RNF111: variants seen among roughly 807,000 people sequenced by gnomAD.
RNF111 encodes ring finger protein 111.
A neutral mutation model predicts 95.1 loss-of-function variants in RNF111; 17 were observed. The ratio of observed to expected loss-of-function variants is 0.18; its 90% CI spans 0.12 to 0.27. RNF111 has a LOEUF of 0.27. Among genes scored for constraint, RNF111 ranks in the 10% least tolerant of loss-of-function variants. RNF111 has a pLI of 1.00. For missense variants in RNF111, 1,189 were observed against 1,210.4 expected, an observed-to-expected ratio of 0.98 and a Z score of 0.26; for synonymous variants, 440 against 414.8, an observed-to-expected ratio of 1.06 and a Z score of -0.74.
At position 59,013,485 on chromosome 15, in the gene RNF111, A is replaced by G. The variant is rs547224627; in HGVS notation, c.-19-17319A>G. 5.3e-5 allele frequency among the ~76,000 whole-genome samples: 8 copies of G among 152,164 alleles called. No individual in the cohort carries two copies. The East Asian group carries it at 1.4e-3, about 26-fold the overall frequency. On this transcript the variant is annotated intron_variant, in intron 1 of 13. Coordinates refer to ENST00000348370, the MANE Select transcript of RNF111 (RefSeq NM_017610.8). ...TCTAGGTTAGTGGAATGTTTTTCTCATAGTTTGGGGTTTTGGGAAAGAATA... is the reference window on the plus strand; with the variant it reads ...TCTAGGTTAGTGGAATGTTTTTCTCGTAGTTTGGGGTTTTGGGAAAGAATA...
At chr15:59,046,782 C>T (rs1184342055) in intron 2 of RNF111, among the ~76,000 whole-genome samples, 1 of 152,156 alleles carries the variant, frequency 6.6e-6, no homozygotes, top group Non-Finnish European at 1.5e-5. Context: ...AATGAAAAGG[C>T]ATGTCACAGA....
chr15:59,091,429 A>G (rs1302856885), intron 12 of RNF111, among the ~76,000 whole-genome samples: 3 of 152,158 alleles, frequency 2.0e-5, no homozygotes, highest in Non-Finnish European at 4.4e-5. Context: ...ATATGTATAT[A>G]TATTTTTGTC....
At chr15:59,059,659 C>T (rs2042350674) in intron 5 of RNF111, among the ~76,000 whole-genome samples, 1 of 151,954 alleles carries the variant, frequency 6.6e-6, no homozygotes, top group African/African-American at 2.4e-5. Context: ...TATTCTGGAG[C>T]TTTCTTTAGT....
intron 1 of RNF111, among the ~76,000 whole-genome samples, chr15:58,992,516 A>G (rs1237951941): frequency 6.6e-6 from 1 of 152,148 alleles, no homozygotes; most frequent in Non-Finnish European, 1.5e-5. Context: ...AATTGTTCAT[A>G]TTTTAAAATA....
chr15:59,055,843 A>G lies in RNF111; in HGVS notation c.1169A>G (p.Asp390Gly). 1.9e-6 allele frequency: 3 copies of G among 1,606,152 alleles called. No homozygotes were observed. The highest frequency in any genetic ancestry group is 1.7e-6 in the Non-Finnish European group (2 of 1,175,306). Residue 390 changes from aspartate to glycine, a missense_variant and splice_region_variant, in exon 4 of 14, where the codon GAT (aspartate) becomes GGT (glycine). Physicochemically the swap from Asp to Gly is moderately conservative, Grantham distance 94. This residue lies in a region of RNF111 where 1,024 missense variants were observed against 925.9 expected (regional missense o/e 1.11). Coordinates refer to ENST00000348370, the MANE Select transcript of RNF111 (RefSeq NM_017610.8). ...GTTGTGGACCTTACCGTTGATGAAG[A>G]TGGTAAATTGAAGTAGTAACAGTAG... Reference protein sequence around the residue: ...AEVVDLTVDEDEPTVVPTTSA... With the variant: ...AEVVDLTVDEGEPTVVPTTSA...
At chr15:59,027,405 A>G (rs1231396428) in intron 1 of RNF111, among the ~76,000 whole-genome samples, 1 of 152,126 alleles carries the variant, frequency 6.6e-6, no homozygotes, top group Non-Finnish European at 1.5e-5. Context: ...ACTTTCTGGC[A>G]GGAGTTTTAT....
chr15:59,021,870 A>AT (rs1259722802), intron 1 of RNF111, among the ~76,000 whole-genome samples: 5 of 150,984 alleles, frequency 3.3e-5, no homozygotes, highest in Admixed American at 6.6e-5. Flanking sequence ...CTTCTTATAA[A>AT]TTTTTTTTTG....
intron 4 of RNF111, among the ~76,000 whole-genome samples, chr15:59,056,281 C>T (rs747641266): frequency 9.2e-5 from 14 of 152,220 alleles, no homozygotes; most frequent in Middle Eastern, 6.8e-3. Context: ...TCAATATTAT[C>T]GGTACCTTTT....
intron 2 of RNF111, among the ~76,000 whole-genome samples, chr15:59,051,818 C>T (rs1168756285): frequency 1.3e-5 from 2 of 151,262 alleles, no homozygotes; most frequent in Non-Finnish European, 2.9e-5. Context: ...AATAAATAAA[C>T]AAATGACAAA....
chr15:58,991,706 C>A (rs1315832516), intron 1 of RNF111, among the ~76,000 whole-genome samples: 1 of 152,154 alleles, frequency 6.6e-6, no homozygotes, highest in Non-Finnish European at 1.5e-5. Flanking sequence ...AGGTTTGATT[C>A]TAGAGAATCT....
intron 6 of RNF111, among the ~76,000 whole-genome samples, chr15:59,075,657 A>C (rs2043134262): frequency 6.6e-6 from 1 of 152,192 alleles, no homozygotes; most frequent in Non-Finnish European, 1.5e-5. Context: ...TATAAGACAA[A>C]AAGATTTTAA....
chr15:59,040,547 AGTT>A (rs1438031257), intron 2 of RNF111, among the ~76,000 whole-genome samples: 1 of 152,110 alleles, frequency 6.6e-6, no homozygotes, highest in Non-Finnish European at 1.5e-5. Flanking sequence ...TTTTTATGTA[AGTT>A]GTTGTTTTAT....
intron 6 of RNF111, among the ~76,000 whole-genome samples, chr15:59,074,078 G>A (rs1343860699): frequency 6.6e-6 from 1 of 152,084 alleles, no homozygotes; most frequent in Non-Finnish European, 1.5e-5. Context: ...TCTTAGTAGT[G>A]GGTCTCAACA....
Position 59,054,083 on chromosome 15 carries a change from G to A in RNF111, c.1008-1599G>A, listed in dbSNP as rs1169895650. Among the ~76,000 whole-genome samples, 34 of 151,994 alleles carry A rather than the reference G, an allele frequency of 2.2e-4. 2 individuals are homozygous for A. Among genetic ancestry groups the A allele is most frequent in the Admixed American group, 2.2e-3 (34 of 15,260 alleles). On this transcript the variant is annotated intron_variant, in intron 3 of 13. Transcript: ENST00000348370. ...TGTGAGTAGCTGGGATTACAGGCAT[G>A]AGCCACCACACCTGGCTAATTTTTT...
intron 1 of RNF111, among the ~76,000 whole-genome samples, chr15:59,000,242 C>T (rs1258236873): frequency 6.8e-6 from 1 of 146,818 alleles, no homozygotes; most frequent in Non-Finnish European, 1.5e-5. Context: ...TAGTTCACTA[C>T]ATTCTCTGCC....
intron 4 of RNF111, among the ~76,000 whole-genome samples, chr15:59,057,037 A>G (rs1315963856): frequency 6.6e-6 from 1 of 152,138 alleles, no homozygotes; most frequent in African/African-American, 2.4e-5. Flanking sequence ...TTAAAAATGA[A>G]TCTAAAACTA....
At chr15:59,094,415 A>G (rs950569392) in intron 13 of RNF111, among the ~76,000 whole-genome samples, 2 of 152,236 alleles carry the variant, frequency 1.3e-5, no homozygotes, top group African/African-American at 4.8e-5. Flanking sequence ...AAAGGGCATT[A>G]CAAATACAGT....
intron 11 of RNF111, 114 bp downstream of exon 11, chr15:59,089,873 G>A: frequency 3.1e-6 from 2 of 638,246 alleles, no homozygotes; most frequent in Non-Finnish European, 5.4e-6. Flanking sequence ...GGAATCACAT[G>A]TGATTTTCTG....
At chr15:59,090,002 G>T (rs1437907209) in intron 11 of RNF111, among the ~76,000 whole-genome samples, 1 of 152,156 alleles carries the variant, frequency 6.6e-6, no homozygotes, top group Non-Finnish European at 1.5e-5. Context: ...ATATAAAAAT[G>T]TATTAAATCA....
Sources: allele counts gnomAD v4.1 joint callset (sites outside exome capture counted in the v4.1 genomes callset), GRCh38; gene constraint gnomAD v4.1.1; regional missense constraint gnomAD v4.1.1; transcripts MANE v1.5; gene names NCBI Gene and HGNC (gene_info 2026-07-23, HGNC 2026-07-21).